Variants in TRIP13 observed in about 807,000 individuals in gnomAD.
TRIP13 encodes the protein thyroid hormone receptor interactor 13, also known as pachytene checkpoint protein 2 homolog.
TRIP13 carries 25 observed loss-of-function variants against 54.4 expected under a neutral mutation model. That is an observed-to-expected ratio of 0.46 (90% CI 0.33 to 0.64). The LOEUF (loss-of-function observed/expected upper bound fraction) is 0.64, where lower values mean the gene tolerates loss of function less well. Among genes scored for constraint, TRIP13 ranks in the 30% least tolerant of loss-of-function variants. TRIP13 has a pLI of 0.02. For synonymous variants in TRIP13, 207 were observed against 207.8 expected (o/e 1.00, Z 0.03); for missense variants, 373 against 534.2 (o/e 0.70, Z 2.97).
chr5:902,845 CAG>C (rs1560946029), intron 5 of TRIP13, among the ~76,000 whole-genome samples: 2 of 152,206 alleles, frequency 1.3e-5, no homozygotes, highest in Non-Finnish European at 2.9e-5. Flanking sequence ...GTCCACTGGA[CAG>C]GGGACCCTTC....
chr5:916,053 G>C, intron 12 of TRIP13, 80 bp downstream of exon 12: 1 of 1,396,796 alleles, frequency 7.2e-7, no homozygotes, highest in Non-Finnish European at 1.0e-6. Flanking sequence ...TAGTAGCCCT[G>C]GGGTATCAGC....
intron 3 of TRIP13, among the ~76,000 whole-genome samples, 191 bp from the exon 4 acceptor site, chr5:900,303 A>T (rs1054781526): frequency 6.6e-6 from 1 of 152,228 alleles, no homozygotes; most frequent in African/African-American, 2.4e-5. Flanking sequence ...TTTATTTTGC[A>T]TCTTTGATTT....
intron 9 of TRIP13, among the ~76,000 whole-genome samples, chr5:910,527 G>A (rs1309868477): frequency 2.0e-5 from 3 of 152,158 alleles, no homozygotes; most frequent in East Asian, 1.9e-4. Context: ...GATTCCACAC[G>A]ACGCTGATGG....
rs1754252334 is a variant in TRIP13 at position 912,303 on chromosome 5, G to A, written c.1020+307G>A. On this transcript the variant is annotated intron_variant, in intron 10 of 12. Coordinates refer to ENST00000166345, the MANE Select transcript of TRIP13 (RefSeq NM_004237.4). This position sits in a 1 kb window ranked among gnomAD's most constrained non-coding sequence, Gnocchi z 7.2. ...TACCTGGCTGGCTGCACAAACCTTA[G>A]TTCTCAGCTTACCCCGGGCTTTTCC... Among the ~76,000 whole-genome samples the A allele has an allele frequency of 6.6e-6, 1 of 151,492 alleles. No homozygotes were observed. Among genetic ancestry groups the A allele is most frequent in the African/African-American group, 2.4e-5 (1 of 41,240 alleles).
At chr5:916,739 T>C (rs1579205931) in intron 12 of TRIP13, among the ~76,000 whole-genome samples, 1 of 152,126 alleles carries the variant, frequency 6.6e-6, no homozygotes, top group Non-Finnish European at 1.5e-5. Flanking sequence ...GCTGCCTTGG[T>C]GCTCCCCTGC....
At position 911,640 on chromosome 5, in the gene TRIP13, G is replaced by C. The variant is rs1754234168; in HGVS notation, c.867-203G>C. Among the ~76,000 whole-genome samples the C allele has an allele frequency of 6.6e-6, 1 of 151,578 alleles. No individual in the cohort carries two copies. The highest frequency in any genetic ancestry group is 2.1e-4 in the South Asian group (1 of 4,812). The stretch of plus-strand genomic sequence containing the variant: ...GCAGTGAGGGAATGAGCGAAGTGGG[G>C]CTGTAGAATTCCCAGAAGGCCAAGG... On this transcript the variant is annotated intron_variant, in intron 9 of 12. Transcript: ENST00000166345. The surrounding 1 kb of genome is among the most constrained non-coding windows in gnomAD (Gnocchi z 4.7).
rs764222069 is a variant in TRIP13, at chr5:912,594, G to A, written c.1020+598G>A. On this transcript the variant is annotated intron_variant, in intron 10 of 12. Transcript: ENST00000166345. The surrounding 1 kb of genome is among the most constrained non-coding windows in gnomAD (Gnocchi z 7.2). Reference sequence around the variant, plus strand: ...GGGCCGTCGCCACGGGCACAGTGACGTGCGGTGAGTGTGAGTCAGGAGGGC... The same window carrying A: ...GGGCCGTCGCCACGGGCACAGTGACATGCGGTGAGTGTGAGTCAGGAGGGC... Among the ~76,000 whole-genome samples the A allele has an allele frequency of 4.0e-5, 6 of 150,556 alleles. No homozygotes were observed. Among genetic ancestry groups the A allele is most frequent in the South Asian group, 2.1e-4 (1 of 4,724 alleles).
chr5:903,609 G>A (rs949687151), intron 5 of TRIP13, among the ~76,000 whole-genome samples: 21 of 152,188 alleles, frequency 1.4e-4, no homozygotes, highest in Non-Finnish European at 2.8e-4. Context: ...GCAGGCAGGC[G>A]TGCAAGAAGA....
chr5:911,418 A>C lies in TRIP13; in HGVS notation c.867-425A>C, dbSNP rs1158304814. On this transcript the variant is annotated intron_variant, in intron 9 of 12. Coordinates refer to ENST00000166345, the MANE Select transcript of TRIP13 (RefSeq NM_004237.4). The surrounding 1 kb of genome is among the most constrained non-coding windows in gnomAD (Gnocchi z 4.7). ...AACCCCGTCTCCACTAAAAATACAA[A>C]AAATTAGCCGGGCACGGTGGCGGGC... Among the ~76,000 whole-genome samples, 1 of 151,950 alleles carries C rather than the reference A, an allele frequency of 6.6e-6. No homozygotes were observed. The highest frequency in any genetic ancestry group is 1.5e-5 in the Non-Finnish European group (1 of 67,976).
At chr5:904,731 C>T (rs1441038125) in intron 6 of TRIP13, among the ~76,000 whole-genome samples, 1 of 151,962 alleles carries the variant, frequency 6.6e-6, no homozygotes, top group East Asian at 1.9e-4. Flanking sequence ...TTTCTATTGC[C>T]GTATTTTAAG....
chr5:895,525 A>G (rs1388923032), intron 2 of TRIP13, among the ~76,000 whole-genome samples: 1 of 152,242 alleles, frequency 6.6e-6, no homozygotes, highest in Non-Finnish European at 1.5e-5. Context: ...CTGTCCTGTA[A>G]GAACCAGCTG....
intron 11 of TRIP13, 92 bp downstream of exon 11, chr5:914,669 C>T: frequency 9.7e-7 from 1 of 1,029,740 alleles, no homozygotes; most frequent in Non-Finnish European, 1.5e-6. Context: ...CCAGGGAGGG[C>T]CCTGGGTGTG....
intron 5 of TRIP13, among the ~76,000 whole-genome samples, chr5:902,522 A>G (rs1754014491): frequency 6.6e-6 from 1 of 152,138 alleles, no homozygotes; most frequent in Non-Finnish European, 1.5e-5. Flanking sequence ...GTATGTCTCC[A>G]TTTTCTGTTA....
chr5:914,699 G>A, intron 11 of TRIP13, 122 bp downstream of exon 11: 1 of 739,254 alleles, frequency 1.4e-6, no homozygotes, highest in Admixed American at 1.9e-5. Context: ...CACAGTATAG[G>A]TATGAACATG....
At chr5:900,128 G>A (rs145341527) in intron 3 of TRIP13, among the ~76,000 whole-genome samples, 198 of 152,354 alleles carry the variant, frequency 1.3e-3, no homozygotes, top group Non-Finnish European at 1.9e-3. Flanking sequence ...AAAACATATT[G>A]TGGGGATTAT....
At chr5:895,619 G>C (rs1268482863) in intron 2 of TRIP13, among the ~76,000 whole-genome samples, 3 of 152,204 alleles carry the variant, frequency 2.0e-5, no homozygotes, top group African/African-American at 7.2e-5. Context: ...TGCATGCTCA[G>C]AGCTTTGTGC....
In TRIP13 at chr5:907,203, A is replaced by C. The variant is rs769920939; in HGVS notation, c.672+10A>C. Reference sequence around the variant, plus strand: ...TAAGTGGTTTTCGGAAGTAAGTATTAAATATTAATTCTAATTGTCTGGATT... The same window carrying C: ...TAAGTGGTTTTCGGAAGTAAGTATTCAATATTAATTCTAATTGTCTGGATT... On this transcript the variant is annotated intron_variant, in intron 7 of 12. Coordinates refer to ENST00000166345, the MANE Select transcript of TRIP13 (RefSeq NM_004237.4). This position sits in a 1 kb window ranked among gnomAD's most constrained non-coding sequence, Gnocchi z 4.1. 6.2e-7 allele frequency: 1 copy of C among 1,606,400 alleles called. No individual in the cohort carries two copies. The highest frequency in any genetic ancestry group is 1.1e-5 in the South Asian group (1 of 90,800).
chr5:911,708 G>T lies in TRIP13; in HGVS notation c.867-135G>T. The T allele has an allele frequency of 1.7e-6, 2 of 1,143,846 alleles. No homozygotes were observed. The highest frequency in any genetic ancestry group is 2.4e-6 in the Non-Finnish European group (2 of 833,552). 70.9% of individuals were successfully genotyped at this position (1,143,846 alleles called of 1,614,324 possible). ...CTGGGGGGTCTGCGTGGCCTGTGTTGGCACAAGGCCACTTTCCTTCCTGTT... is the reference window on the plus strand; with the variant it reads ...CTGGGGGGTCTGCGTGGCCTGTGTTTGCACAAGGCCACTTTCCTTCCTGTT... On this transcript the variant is annotated intron_variant, in intron 9 of 12. Transcript: ENST00000166345. This position sits in a 1 kb window ranked among gnomAD's most constrained non-coding sequence, Gnocchi z 4.7.
chr5:903,231 G>A (rs1279167827), intron 5 of TRIP13, among the ~76,000 whole-genome samples: 3 of 152,172 alleles, frequency 2.0e-5, no homozygotes, highest in Admixed American at 6.5e-5. Context: ...GCTTGGCAGC[G>A]GGCTTCTTCC....
Sources: allele counts gnomAD v4.1 joint callset (sites outside exome capture counted in the v4.1 genomes callset), GRCh38; gene constraint gnomAD v4.1.1; non-coding constraint Gnocchi (gnomAD v3.1); transcripts MANE v1.5; gene names NCBI Gene and HGNC (gene_info 2026-07-23, HGNC 2026-07-21).